FCRL5: variants seen among roughly 807,000 people sequenced by gnomAD.
FCRL5 encodes Fc receptor-like protein 5.
FCRL5 carries 79 observed loss-of-function variants against 92.1 expected under a neutral mutation model. The observed-to-expected ratio is 0.86, with a 90% CI of 0.72 to 1.03. FCRL5 has a LOEUF of 1.03. Among genes scored for constraint, FCRL5 ranks in the 50% least tolerant of loss-of-function variants. The probability of loss-of-function intolerance (pLI) is 0.00; values close to 1 mark genes in which losing one functional copy is unlikely to be tolerated. For missense variants in FCRL5, 1,160 were observed against 1,181.1 expected, an observed-to-expected ratio of 0.98 and a Z score of 0.26; for synonymous variants, 466 against 469.3, an observed-to-expected ratio of 0.99 and a Z score of 0.09.
At chr1:157,550,955 A>G (rs1386592108) in intron 1 of FCRL5, among the ~76,000 whole-genome samples, 4 of 152,236 alleles carry the variant, frequency 2.6e-5, no homozygotes, top group African/African-American at 9.6e-5. Context: ...ATCCCTGTCC[A>G]CATGAGGCTA....
intron 9 of FCRL5, 72 bp from the exon 10 acceptor site, chr1:157,524,629 A>T: frequency 6.9e-7 from 1 of 1,459,824 alleles, no homozygotes; most frequent in Non-Finnish European, 9.2e-7. Flanking sequence ...AGACATTTCA[A>T]ATGGAAGAAT....
chr1:157,536,265 C>T (rs890510381), intron 7 of FCRL5, among the ~76,000 whole-genome samples: 43 of 152,114 alleles, frequency 2.8e-4, no homozygotes, highest in African/African-American at 1.0e-3. Flanking sequence ...TATCTTTCAT[C>T]ATCTCTTAGC....
intron 5 of FCRL5, among the ~76,000 whole-genome samples, chr1:157,543,790 T>C (rs1651386242): frequency 6.6e-6 from 1 of 152,212 alleles, no homozygotes; most frequent in South Asian, 2.1e-4. Context: ...TACTCATAAC[T>C]AGGGAATGGT....
chr1:157,521,310 G>C lies in FCRL5; in HGVS notation c.2240-18C>G. 40 of 1,577,344 alleles carry C rather than the reference G, an allele frequency of 2.5e-5. No homozygotes were observed. The highest frequency in any genetic ancestry group is 3.3e-5 in the Non-Finnish European group (38 of 1,164,256). On this transcript the variant is annotated intron_variant, in intron 10 of 16. Coordinates refer to ENST00000361835, the MANE Select transcript of FCRL5 (RefSeq NM_031281.3). The stretch of plus-strand genomic sequence containing the variant: ...CACCGGAACTGAAAGAGAACAAAAA[G>C]TCAACAGCAGTTTCTGCTTCTAACA...
At position 157,524,374 on chromosome 1, in the gene FCRL5, A is replaced by T. The variant is rs779921470; in HGVS notation, c.2144T>A (p.Leu715His). ...APSGGGASFN[L>H]SLTTEHSGIY... ...TCCAGAATGTTCTGTAGTCAGAGAG[A>T]GGTTGAAGGAGGCCCCTCCTCCAGA... The change falls in exon 10 of 17, where the codon CTC becomes CAC. Residue 715 changes from leucine (L) to histidine (H), a missense_variant. Coordinates refer to ENST00000361835, the MANE Select transcript of FCRL5 (RefSeq NM_031281.3). 1.2e-6 allele frequency: 2 copies of T among 1,614,138 alleles called. 1 individual carries two copies. The highest frequency in any genetic ancestry group is 2.2e-5 in the South Asian group (2 of 91,078).
chr1:157,530,234 C>G (rs1357125554), intron 8 of FCRL5, among the ~76,000 whole-genome samples: 1 of 152,134 alleles, frequency 6.6e-6, no homozygotes, highest in Non-Finnish European at 1.5e-5. Flanking sequence ...TTATGGGCAT[C>G]TTTCTGTGGT....
At chr1:157,518,849 A>G in intron 13 of FCRL5, 67 bp from the exon 14 acceptor site, 1 of 1,311,908 alleles carries the variant, frequency 7.6e-7, no homozygotes, top group Non-Finnish European at 1.1e-6. Context: ...GATCACTCCT[A>G]GTGAGTGACT....
rs1350896937 is a variant in FCRL5 at position 157,514,271 on chromosome 1, C to A, written c.*1404G>T. On this transcript the variant is annotated 3_prime_UTR_variant, in exon 17 of 17. Transcript: ENST00000361835. ...TATCATAAAAGCGGAACAGAACATC[C>A]CATTGCTCAGAGATGGGAGAACAAC... The A allele has an allele frequency of 6.6e-6, 1 of 152,232 alleles. No individual in the cohort carries two copies. The highest frequency in any genetic ancestry group is 2.4e-5 in the African/African-American group (1 of 41,450). The allele number at this position is 152,232 out of a possible 1,614,324, so 9.4% of individuals were successfully genotyped here.
At position 157,539,381 on chromosome 1, in the gene FCRL5, A is replaced by AT. The variant is rs751617568; in HGVS notation, c.1124-18dup. On this transcript the variant is annotated splice_polypyrimidine_tract_variant and intron_variant, in intron 6 of 16. Coordinates refer to ENST00000361835, the MANE Select transcript of FCRL5 (RefSeq NM_031281.3). ...ACACGGGAACTGAGAGAGAGAAAAA[A>AT]TTAGTCAAGATTTGTTTCTGCCTCC... 7 of 1,574,224 alleles carry AT rather than the reference A, an allele frequency of 4.4e-6. 1 individual carries two copies. In the South Asian group the frequency reaches 8.3e-5, roughly 19 times the overall value.
chr1:157,530,857 T>C (rs1353010015), intron 8 of FCRL5, among the ~76,000 whole-genome samples: 3 of 152,250 alleles, frequency 2.0e-5, no homozygotes, highest in Admixed American at 6.5e-5. Context: ...AGACATGGAA[T>C]TTCTGGGATG....
At chr1:157,524,025 C>T (rs934348549) in intron 10 of FCRL5, 1 of 491,414 alleles carries the variant, frequency 2.0e-6, no homozygotes, top group Non-Finnish European at 3.6e-6. Flanking sequence ...AGTTTATGTT[C>T]TAAAAAAGTC....
chr1:157,539,390 G>T, intron 6 of FCRL5, 26 bp from the exon 7 acceptor site: 1 of 1,568,396 alleles, frequency 6.4e-7, no homozygotes, highest in Non-Finnish European at 8.6e-7. Context: ...AATTAGTCAA[G>T]ATTTGTTTCT....
rs746292890 is a variant in FCRL5 at position 157,544,420 on chromosome 1, A to C, written c.686T>G (p.Phe229Cys). The C allele has an allele frequency of 6.2e-7, 1 of 1,614,216 alleles. No individual in the cohort carries two copies. Among genetic ancestry groups the C allele is most frequent in the Non-Finnish European group, 8.5e-7 (1 of 1,180,036 alleles). Residue 229 changes from phenylalanine to cysteine, a missense_variant, in exon 5 of 17, where the codon TTC (phenylalanine) becomes TGC (cysteine). Transcript: ENST00000361835. ...TAATCCCAGGGTCTGGTCATCTCTG[A>C]AGAAGCGGAACCGGAGCGGGACATC... ...RSDVPLRFRF[F>C]RDDQTLGLGW...
At chr1:157,539,502 G>T in intron 6 of FCRL5, 138 bp from the exon 7 acceptor site, 3 of 739,546 alleles carry the variant, frequency 4.1e-6, no homozygotes, top group Non-Finnish European at 6.3e-6. Flanking sequence ...AGGCAAACCT[G>T]CTTTTTATTT....
chr1:157,515,750 G>C lies in FCRL5; in HGVS notation c.2859C>G (p.Ile953Met). ...RHLRNKGSPIIYSEVKVASTP... is the reference protein window; with the variant it reads ...RHLRNKGSPIMYSEVKVASTP... ...TTGACGCCACCTTAACTTCAGAGTA[G>C]ATGATAGGGGAACCCTAGGAGGCAA... Residue 953 changes from isoleucine to methionine, a missense_variant, in exon 17 of 17, where the codon ATC becomes ATG. Physicochemically the swap from Ile to Met is conservative, Grantham distance 10. Transcript: ENST00000361835. 1 of 1,609,796 alleles carries C rather than the reference G, an allele frequency of 6.2e-7. No homozygotes were observed. The highest frequency in any genetic ancestry group is 8.5e-7 in the Non-Finnish European group (1 of 1,177,802).
chr1:157,539,789 G>C (rs1651162574), intron 6 of FCRL5, among the ~76,000 whole-genome samples: 2 of 152,214 alleles, frequency 1.3e-5, no homozygotes, highest in African/African-American at 4.8e-5. Flanking sequence ...GCTAAAGGAA[G>C]ACAGAAGTGA....
chr1:157,535,915 T>C (rs1364770142), intron 7 of FCRL5, among the ~76,000 whole-genome samples: 4 of 148,914 alleles, frequency 2.7e-5, no homozygotes, highest in African/African-American at 9.8e-5. Flanking sequence ...AAGGGTACTT[T>C]GTGGCTAAAT....
chr1:157,523,616 A>C (rs1650297423), intron 10 of FCRL5, among the ~76,000 whole-genome samples: 1 of 152,228 alleles, frequency 6.6e-6, no homozygotes, highest in South Asian at 2.1e-4. Flanking sequence ...TTCAGAGCTC[A>C]CTAGAAGCAG....
chr1:157,517,981 G>A (rs1278123387), intron 15 of FCRL5, among the ~76,000 whole-genome samples: 1 of 152,086 alleles, frequency 6.6e-6, no homozygotes, highest in Non-Finnish European at 1.5e-5. Context: ...TCTGGAAAAT[G>A]GGAATAGGGC....
Sources: allele counts gnomAD v4.1 joint callset (sites outside exome capture counted in the v4.1 genomes callset), GRCh38; gene constraint gnomAD v4.1.1; transcripts MANE v1.5; gene names NCBI Gene and HGNC (gene_info 2026-07-23, HGNC 2026-07-21).